Variants in SLC22A2 observed in about 807,000 individuals in gnomAD.
The protein encoded by SLC22A2 is organic cation transporter 2.
SLC22A2 carries 46 observed loss-of-function variants against 60.5 expected under a neutral mutation model. The observed-to-expected ratio is 0.76, with a 90% CI of 0.60 to 0.97. The LOEUF is 0.97. SLC22A2 is among the 50% of genes least tolerant of loss of function. The pLI is 0.00. For missense variants in SLC22A2, 701 were observed against 706.6 expected, an observed-to-expected ratio of 0.99 and a Z score of 0.09; for synonymous variants, 303 against 267.0, an observed-to-expected ratio of 1.13 and a Z score of -1.31.
intron 10 of SLC22A2, among the ~76,000 whole-genome samples, chr6:160,224,426 A>AT (rs1255074684): frequency 1.3e-5 from 2 of 151,922 alleles, no homozygotes; most frequent in Non-Finnish European, 1.5e-5. Context: ...AGAATATTTT[A>AT]TTTTTATGAA....
At chr6:160,240,567 T>C (rs1251696196) in intron 9 of SLC22A2, among the ~76,000 whole-genome samples, 2 of 152,202 alleles carry the variant, frequency 1.3e-5, no homozygotes, top group Non-Finnish European at 2.9e-5. Flanking sequence ...TGATGTATAA[T>C]GCTTGTAACA....
intron 2 of SLC22A2, among the ~76,000 whole-genome samples, chr6:160,251,232 C>T (rs316015): frequency 0.7 from 107,095 of 152,050 alleles, 39,188 homozygotes; most frequent in Admixed American, 0.81. Context: ...CTATGGGGGC[C>T]TCTGTTTGGA....
intron 10 of SLC22A2, among the ~76,000 whole-genome samples, chr6:160,220,927 T>G (rs1400714759): frequency 6.6e-6 from 1 of 152,206 alleles, no homozygotes; most frequent in Non-Finnish European, 1.5e-5. Context: ...AGCATAATTC[T>G]TAGGGACCCT....
At chr6:160,242,032 G>A (rs898484265) in intron 8 of SLC22A2, among the ~76,000 whole-genome samples, 1 of 151,814 alleles carries the variant, frequency 6.6e-6, no homozygotes, top group African/African-American at 2.4e-5. Context: ...TGTTTGTGCT[G>A]TTCCACAACA....
At chr6:160,257,662 C>T (rs1490240800) in intron 1 of SLC22A2, 1 of 152,204 alleles carries the variant, frequency 6.6e-6, no homozygotes, top group African/African-American at 2.4e-5. Flanking sequence ...TTAAATTAAA[C>T]TAGGCAACTG....
chr6:160,253,801 G>A (rs1457653699), intron 2 of SLC22A2, among the ~76,000 whole-genome samples: 59 of 152,234 alleles, frequency 3.9e-4, no homozygotes, highest in Non-Finnish European at 4.4e-5. Context: ...GTATCTGCAT[G>A]GTGGAAATGC....
chr6:160,227,888 G>A (rs751782193), intron 9 of SLC22A2, among the ~76,000 whole-genome samples: 9 of 152,180 alleles, frequency 5.9e-5, no homozygotes, highest in Non-Finnish European at 1.3e-4. Context: ...GGGACCTCTG[G>A]TCGTCTTCAT....
chr6:160,223,512 G>T (rs1782674377), intron 10 of SLC22A2, among the ~76,000 whole-genome samples: 1 of 152,050 alleles, frequency 6.6e-6, no homozygotes, highest in Non-Finnish European at 1.5e-5. Context: ...ATGTGAAATG[G>T]CCTCATTCTT....
chr6:160,249,062 T>C (rs1208959377), intron 4 of SLC22A2, among the ~76,000 whole-genome samples, 154 bp downstream of exon 4: 1 of 152,240 alleles, frequency 6.6e-6, no homozygotes, highest in Non-Finnish European at 1.5e-5. Flanking sequence ...TTGTGGTTTT[T>C]ATTCCTGAAA....
At chr6:160,245,265 C>A (rs1783070880) in intron 6 of SLC22A2, 174 bp downstream of exon 6, 2 of 495,996 alleles carry the variant, frequency 4.0e-6, no homozygotes, top group Admixed American at 7.2e-5. Context: ...CTACACCGAT[C>A]TTAATATTTG....
chr6:160,229,155 C>T lies in SLC22A2; in HGVS notation c.1502-4351G>A, dbSNP rs186080005. Among the ~76,000 whole-genome samples the T allele has an allele frequency of 2.1e-3, 314 of 152,008 alleles. 1 individual carries two copies. The highest frequency in any genetic ancestry group is 2.4e-3 in the Non-Finnish European group (164 of 68,024). On this transcript the variant is annotated intron_variant, in intron 9 of 10. Coordinates refer to ENST00000366953, the MANE Select transcript of SLC22A2 (RefSeq NM_003058.4). ...AGATCCACCTATGACCTCTGGTCCT[C>T]AGACTAACCAGCCCAAGGAACATCT...
intron 9 of SLC22A2, among the ~76,000 whole-genome samples, chr6:160,239,482 C>T (rs1053911485): frequency 2.0e-5 from 3 of 152,148 alleles, no homozygotes; most frequent in African/African-American, 7.2e-5. Context: ...TCCAAGAACC[C>T]CCTCTTGGGG....
intron 2 of SLC22A2, among the ~76,000 whole-genome samples, chr6:160,252,882 C>T (rs535412771): frequency 5.9e-5 from 9 of 152,348 alleles, no homozygotes; most frequent in Admixed American, 3.3e-4. Context: ...AAAAGGCTCT[C>T]GTGATCCTAA....
chr6:160,220,996 C>G (rs1034147715), intron 10 of SLC22A2, among the ~76,000 whole-genome samples: 1 of 152,196 alleles, frequency 6.6e-6, no homozygotes, highest in Non-Finnish European at 1.5e-5. Context: ...TGCATTCACC[C>G]TTCACAAGAG....
chr6:160,224,070 T>G (rs114923078), intron 10 of SLC22A2, among the ~76,000 whole-genome samples: 1,915 of 152,264 alleles, frequency 0.013, 40 homozygotes, highest in African/African-American at 0.043. Flanking sequence ...TTGTCCATTA[T>G]AGAGGCATCT....
At chr6:160,235,128 C>T (rs1782890305) in intron 9 of SLC22A2, among the ~76,000 whole-genome samples, 1 of 152,132 alleles carries the variant, frequency 6.6e-6, no homozygotes, top group Admixed American at 6.5e-5. Flanking sequence ...CCTCTGTTTT[C>T]CTCATAAAGC....
chr6:160,243,522 C>T, intron 7 of SLC22A2, 50 bp downstream of exon 7: 1 of 1,319,428 alleles, frequency 7.6e-7, no homozygotes, highest in Non-Finnish European at 1.1e-6. Context: ...CGTGACACTC[C>T]CTTTCTCCAG....
Position 160,243,748 on chromosome 6 carries a change from T to C in SLC22A2, c.1103A>G (p.His368Arg). Residue 368 changes from histidine to arginine, a missense_variant, in exon 7 of 11, where the codon CAC (histidine) becomes CGC (arginine). His to Arg is a conservative substitution (Grantham distance 29). Transcript: ENST00000366953. The stretch of plus-strand genomic sequence containing the variant: ...GATATTGTCACCTGCAAGGCCCATG[T>C]GCATGATGAGGCCCTGGTAGAGCAC... The part of the protein sequence containing the change: ...SSVLYQGLIM[H>R]MGLAGDNIYL... 1.2e-6 allele frequency: 2 copies of C among 1,614,006 alleles called. No individual in the cohort carries two copies. Among genetic ancestry groups the C allele is most frequent in the South Asian group, 2.2e-5 (2 of 91,060 alleles).
chr6:160,242,711 AC>A (rs1258734613), intron 7 of SLC22A2, among the ~76,000 whole-genome samples: 1 of 151,514 alleles, frequency 6.6e-6, no homozygotes, highest in African/African-American at 2.4e-5. Context: ...CATGCATTCC[AC>A]CCCCCACTGC....
Sources: gnomAD v4.1 joint callset for allele counts (sites outside exome capture counted in the v4.1 genomes callset) on GRCh38, gnomAD v4.1.1 for gene constraint, MANE v1.5 for transcripts, NCBI Gene and HGNC (gene_info 2026-07-23, HGNC 2026-07-21) for gene names.